Variants in THOC1 observed in about 807,000 individuals in gnomAD.
THOC1 encodes THO complex subunit 1.
In THOC1, 29 loss-of-function variants were observed where a neutral mutation model predicts 97.3. The ratio of observed to expected loss-of-function variants is 0.30; its 90% CI spans 0.22 to 0.41. THOC1 has a LOEUF of 0.41. Among genes scored for constraint, THOC1 ranks in the 10% least tolerant of loss-of-function variants. The pLI, the probability that THOC1 is intolerant of heterozygous loss-of-function variation, is 1.00. For missense variants in THOC1, 529 were observed against 761.9 expected (o/e 0.69, Z 3.60); for synonymous variants, 255 against 257.0 (o/e 0.99, Z 0.07).
At chr18:237,918 G>A (rs1911765462) in intron 11 of THOC1, among the ~76,000 whole-genome samples, 1 of 152,048 alleles carries the variant, frequency 6.6e-6, no homozygotes, top group African/African-American at 2.4e-5. Flanking sequence ...CCAGGCTAGA[G>A]TGCAGCGGTG....
At chr18:259,569 T>C in intron 6 of THOC1, 113 bp downstream of exon 6, 1 of 831,206 alleles carries the variant, frequency 1.2e-6, no homozygotes, top group Non-Finnish European at 1.9e-6. Flanking sequence ...TAGTTAAAAA[T>C]GCAGATACCT....
chr18:244,754 TC>T (rs1912030148), intron 11 of THOC1: 1 of 152,166 alleles, frequency 6.6e-6, no homozygotes, highest in African/African-American at 2.4e-5. Flanking sequence ...TTCTTTGCAA[TC>T]CAGTTTCTCT....
intron 9 of THOC1, among the ~76,000 whole-genome samples, chr18:248,898 C>G (rs1424666986): frequency 6.6e-6 from 1 of 151,990 alleles, no homozygotes; most frequent in South Asian, 2.1e-4. Context: ...CTACAGGCAC[C>G]CGCCACCATG....
At chr18:225,185 C>A in intron 13 of THOC1, 46 bp from the exon 14 acceptor site, 1 of 1,544,148 alleles carries the variant, frequency 6.5e-7, no homozygotes. Context: ...CTTTCTGCAT[C>A]ATAGGAGTGG....
intron 4 of THOC1, among the ~76,000 whole-genome samples, chr18:261,416 G>C (rs1408302718): frequency 6.6e-6 from 1 of 152,212 alleles, no homozygotes; most frequent in Non-Finnish European, 1.5e-5. Context: ...CTCTGCACTA[G>C]TAAGATCATA....
At chr18:238,918 T>C (rs1911802486) in intron 11 of THOC1, among the ~76,000 whole-genome samples, 1 of 152,256 alleles carries the variant, frequency 6.6e-6, no homozygotes, top group South Asian at 2.1e-4. Context: ...TGACTTTTCT[T>C]TGATTAAACC....
chr18:243,194 A>G (rs1303602493), intron 11 of THOC1, among the ~76,000 whole-genome samples: 2 of 152,090 alleles, frequency 1.3e-5, no homozygotes, highest in Admixed American at 6.6e-5. Context: ...TCGTGATGTG[A>G]TATTAATTAA....
chr18:259,661 T>C (rs1478531292), intron 6 of THOC1, 21 bp downstream of exon 6: 2 of 1,523,502 alleles, frequency 1.3e-6, no homozygotes, highest in Non-Finnish European at 1.8e-6. Context: ...AAAGCAATCA[T>C]TTTATCACTC....
chr18:266,319 C>A (rs1912766236), intron 1 of THOC1, among the ~76,000 whole-genome samples: 1 of 152,142 alleles, frequency 6.6e-6, no homozygotes, highest in South Asian at 2.1e-4. Flanking sequence ...GTTCCTTTAT[C>A]TCTTTGTGCT....
At chr18:223,812 G>A (rs1911175191) in intron 16 of THOC1, among the ~76,000 whole-genome samples, 1 of 152,076 alleles carries the variant, frequency 6.6e-6, no homozygotes, top group South Asian at 2.1e-4. Context: ...ATGGTACCTT[G>A]CAACAACTGG....
intron 11 of THOC1, among the ~76,000 whole-genome samples, chr18:233,177 C>A (rs1009658377): frequency 1.3e-5 from 2 of 152,294 alleles, no homozygotes; most frequent in East Asian, 3.9e-4. Flanking sequence ...AAAAGTCTTG[C>A]TTTTCTCATT....
intron 11 of THOC1, among the ~76,000 whole-genome samples, chr18:229,596 T>C (rs547188612): frequency 9.9e-5 from 15 of 151,922 alleles, no homozygotes; most frequent in Non-Finnish European, 1.8e-4. Flanking sequence ...GGCAGGAGAA[T>C]AGCTTAAACC....
intron 16 of THOC1, among the ~76,000 whole-genome samples, 191 bp downstream of exon 16, chr18:223,893 A>C (rs1308034496): frequency 6.6e-6 from 1 of 152,192 alleles, no homozygotes; most frequent in Non-Finnish European, 1.5e-5. Flanking sequence ...TGGAAGCTGG[A>C]GACAAAATGA....
chr18:250,504 A>C (rs1912244308), intron 9 of THOC1, among the ~76,000 whole-genome samples: 1 of 152,226 alleles, frequency 6.6e-6, no homozygotes, highest in African/African-American at 2.4e-5. Context: ...TAACCAAAAA[A>C]ACTCTGGAAA....
intron 9 of THOC1, among the ~76,000 whole-genome samples, chr18:248,912 G>A (rs60205347): frequency 0.21 from 31,843 of 151,676 alleles, 3,878 homozygotes; most frequent in South Asian, 0.34. Context: ...CACCATGCCC[G>A]GCTAATTTTT....
chr18:252,642 C>T, intron 8 of THOC1, 30 bp from the exon 9 acceptor site: 1 of 1,555,354 alleles, frequency 6.4e-7, no homozygotes, highest in Non-Finnish European at 8.8e-7. Flanking sequence ...TATAGCCTGT[C>T]ATGAAGCAGT....
At chr18:215,562 G>C in intron 19 of THOC1, 58 bp from the exon 20 acceptor site, 2 of 1,430,396 alleles carry the variant, frequency 1.4e-6, no homozygotes, top group Non-Finnish European at 2.0e-6. Flanking sequence ...TAAGGTAACA[G>C]GTATTTTGTT....
intron 17 of THOC1, among the ~76,000 whole-genome samples, chr18:220,058 C>G (rs992780309): frequency 6.6e-6 from 1 of 152,158 alleles, no homozygotes; most frequent in Non-Finnish European, 1.5e-5. Context: ...AAAACTATCC[C>G]AATATCCATT....
intron 4 of THOC1, among the ~76,000 whole-genome samples, chr18:263,155 A>G (rs1243725638): frequency 1.3e-5 from 2 of 151,972 alleles, no homozygotes; most frequent in African/African-American, 4.8e-5. Context: ...AGCTCAGCTC[A>G]CTGCAAGCTC....
Sources: allele counts gnomAD v4.1 joint callset (sites outside exome capture counted in the v4.1 genomes callset), GRCh38; gene constraint gnomAD v4.1.1; transcripts MANE v1.5; gene names NCBI Gene and HGNC (gene_info 2026-07-23, HGNC 2026-07-21).